Variants in IFT80 observed in about 807,000 individuals in gnomAD.
IFT80 encodes intraflagellar transport protein 80 homolog.
IFT80 carries 79 observed loss-of-function variants against 107.9 expected under a neutral mutation model. The ratio of observed to expected loss-of-function variants is 0.73; its 90% CI spans 0.61 to 0.88. The LOEUF (loss-of-function observed/expected upper bound fraction) is 0.88. Among genes scored for constraint, IFT80 ranks in the 40% least tolerant of loss-of-function variants. The pLI, the probability that IFT80 is intolerant of heterozygous loss-of-function variation, is 0.00. For missense variants in IFT80, 797 were observed against 914.2 expected (o/e 0.87, Z 1.65); for synonymous variants, 299 against 300.9 (o/e 0.99, Z 0.07).
chr3:160,348,287 A>G (rs1372018296), intron 8 of IFT80, among the ~76,000 whole-genome samples: 1 of 152,180 alleles, frequency 6.6e-6, no homozygotes, highest in Non-Finnish European at 1.5e-5. Context: ...CTCTGCCTTG[A>G]GAACCACTGC....
At chr3:160,260,163 T>C in intron 19 of IFT80, among the ~76,000 whole-genome samples, 1 of 152,342 alleles carries the variant, frequency 6.6e-6, no homozygotes, top group Middle Eastern at 3.4e-3. Flanking sequence ...TGCCATATAC[T>C]TATGTATAAT....
At chr3:160,328,361 C>A (rs931049531) in intron 8 of IFT80, among the ~76,000 whole-genome samples, 1 of 147,372 alleles carries the variant, frequency 6.8e-6, no homozygotes, top group Non-Finnish European at 1.5e-5. Flanking sequence ...ACTTGGGAGG[C>A]TGAGGCAGGA....
At chr3:160,279,843 A>T (rs1714551157) in intron 15 of IFT80, among the ~76,000 whole-genome samples, 1 of 152,228 alleles carries the variant, frequency 6.6e-6, no homozygotes, top group South Asian at 2.1e-4. Flanking sequence ...ACTTGGGAAG[A>T]TCACTTAAGC....
intron 3 of IFT80, among the ~76,000 whole-genome samples, chr3:160,380,024 T>C (rs1370488957): frequency 7.0e-6 from 1 of 142,596 alleles, no homozygotes; most frequent in Non-Finnish European, 1.5e-5. Context: ...CAGTGTCCCA[T>C]TGTCTTTTTT....
At chr3:160,393,856 A>C (rs1713564759) in intron 1 of IFT80, among the ~76,000 whole-genome samples, 1 of 152,194 alleles carries the variant, frequency 6.6e-6, no homozygotes, top group South Asian at 2.1e-4. Context: ...ATAGATAAGA[A>C]ATTCAAGAGC....
chr3:160,330,186 A>G (rs1295025084), intron 8 of IFT80, among the ~76,000 whole-genome samples: 1 of 152,218 alleles, frequency 6.6e-6, no homozygotes, highest in Non-Finnish European at 1.5e-5. Context: ...ACTTTAAAAC[A>G]AAAGAACAAC....
chr3:160,312,944 A>AATATATATTATATATAAATATATAAT (rs1717490247), intron 9 of IFT80, among the ~76,000 whole-genome samples: 3 of 42,362 alleles, frequency 7.1e-5, no homozygotes, highest in Non-Finnish European at 7.5e-5. Context: ...ATATATAATA[A>AATATATATTATATATAAATATATAAT]ATATATATTA....
intron 19 of IFT80, among the ~76,000 whole-genome samples, chr3:160,262,546 T>C (rs1415299587): frequency 1.3e-5 from 2 of 152,100 alleles, no homozygotes; most frequent in African/African-American, 4.8e-5. Context: ...TCCTGAACTC[T>C]TGGGCTTGGC....
At chr3:160,278,631 C>G (rs946241880) in intron 16 of IFT80, among the ~76,000 whole-genome samples, 4 of 152,050 alleles carry the variant, frequency 2.6e-5, no homozygotes, top group Admixed American at 1.3e-4. Context: ...TGACAAACTC[C>G]GGGTATTTAC....
chr3:160,365,982 T>C, intron 6 of IFT80, 61 bp downstream of exon 6: 1 of 1,224,620 alleles, frequency 8.2e-7, no homozygotes, highest in Non-Finnish European at 1.2e-6. Context: ...CCTAAGCAAG[T>C]GCCCTCTAGT....
At chr3:160,365,111 C>T (rs1426800057) in intron 6 of IFT80, among the ~76,000 whole-genome samples, 1 of 151,952 alleles carries the variant, frequency 6.6e-6, no homozygotes, top group Non-Finnish European at 1.5e-5. Flanking sequence ...AGATTTTCAG[C>T]GTAGGTAATT....
At chr3:160,280,921 T>C (rs1273691643) in intron 14 of IFT80, 107 bp from the exon 15 acceptor site, 2 of 937,054 alleles carry the variant, frequency 2.1e-6, no homozygotes, top group African/African-American at 3.3e-5. Context: ...TTCTGGTAGA[T>C]ATGACTCTAC....
chr3:160,383,813 C>T (rs1712709179), intron 2 of IFT80: 1 of 985,372 alleles, frequency 1.0e-6, no homozygotes, highest in South Asian at 4.7e-5. Context: ...TGCCACCTTC[C>T]CATGTGAAAT....
intron 3 of IFT80, among the ~76,000 whole-genome samples, chr3:160,381,239 A>AATATAT (rs56915671): frequency 0.012 from 996 of 86,248 alleles, 51 homozygotes; most frequent in South Asian, 0.03. Flanking sequence ...CCCATCTCTA[A>AATATAT]ATATATATAT....
At chr3:160,274,999 T>C (rs1240978018) in intron 18 of IFT80, among the ~76,000 whole-genome samples, 2 of 152,240 alleles carry the variant, frequency 1.3e-5, no homozygotes, top group East Asian at 1.9e-4. Flanking sequence ...TCTTCTTTGA[T>C]ATTAGACAAC....
intron 2 of IFT80, among the ~76,000 whole-genome samples, chr3:160,381,928 G>C (rs1343959518): frequency 2.0e-5 from 3 of 152,000 alleles, no homozygotes; most frequent in African/African-American, 7.3e-5. Flanking sequence ...TGGAAAGCAA[G>C]AAAGAAATCC....
intron 8 of IFT80, among the ~76,000 whole-genome samples, chr3:160,350,457 T>C (rs569892292): frequency 6.6e-6 from 1 of 151,274 alleles, no homozygotes; most frequent in East Asian, 2.0e-4. Context: ...ATTTACATAC[T>C]TTTTTTTAAC....
chr3:160,342,411 G>A (rs757765083), intron 8 of IFT80, among the ~76,000 whole-genome samples: 12 of 152,248 alleles, frequency 7.9e-5, no homozygotes, highest in Non-Finnish European at 1.2e-4. Flanking sequence ...ATTCCTTTGA[G>A]GGAAGAGACT....
At position 160,377,514 on chromosome 3, in the gene IFT80, C is replaced by G; in HGVS notation, c.286G>C (p.Gly96Arg). The G allele has an allele frequency of 6.2e-7, 1 of 1,605,098 alleles. No homozygotes were observed. Among genetic ancestry groups the G allele is most frequent in the East Asian group, 2.2e-5 (1 of 44,714 alleles). ...DGKFHLISKL[G>R]RVEKSVEAHC... ...GCTTCTACACTTTTTTCCACTCTTC[C>G]TAACTTGGAAATCAGATGAAATTTA... Residue 96 changes from glycine to arginine, a missense_variant, in exon 4 of 20, where the codon GGA (glycine) becomes CGA (arginine). Physicochemically the swap from Gly to Arg is moderately radical, Grantham distance 125. Coordinates refer to ENST00000326448, the MANE Select transcript of IFT80 (RefSeq NM_020800.3).
Sources: gnomAD v4.1 joint callset for allele counts (sites outside exome capture counted in the v4.1 genomes callset) on GRCh38, gnomAD v4.1.1 for gene constraint, MANE v1.5 for transcripts, NCBI Gene and HGNC (gene_info 2026-07-23, HGNC 2026-07-21) for gene names.